Variants in LSP1 observed in about 807,000 individuals in gnomAD.
LSP1 encodes lymphocyte specific protein 1, also known as lymphocyte-specific protein 1.
LSP1 carries 32 observed loss-of-function variants against 49.3 expected under a neutral mutation model. The ratio of observed to expected loss-of-function variants is 0.65; its 90% CI spans 0.49 to 0.87. LSP1 has a LOEUF of 0.87. LSP1 is among the 40% of genes least tolerant of loss of function. LSP1 has a pLI of 0.00. For synonymous variants in LSP1, 179 were observed against 178.8 expected (o/e 1.00, Z -0.01); for missense variants, 428 against 442.6 (o/e 0.97, Z 0.30).
chr11:1,856,296 GTGGCCATGCCAGGCCCTCC>G (rs1847488477), intron 1 of LSP1, among the ~76,000 whole-genome samples: 1 of 152,232 alleles, frequency 6.6e-6, no homozygotes, highest in South Asian at 2.1e-4. Context: ...ATGCCCCTGG[GTGGCCATGCCAGGCCCTCC>G]TGGCCTGGTT....
intron 1 of LSP1, chr11:1,870,360 C>T: frequency 7.9e-7 from 1 of 1,266,528 alleles, no homozygotes; most frequent in Admixed American, 2.4e-5. Flanking sequence ...GGGGAGTCTC[C>T]TGGGAAAGAA....
rs1484168260 is a variant in LSP1 at position 1,883,469 on chromosome 11, A to G, written c.407A>G (p.Glu136Gly). ...GAGGACAGTGATGAAGTCCACCTGG[A>G]GGAGTTGAGTCTGAGCAAGGAGGGG... The part of the protein sequence containing the change: ...EKEDSDEVHL[E>G]ELSLSKEGPG... The change falls in exon 4 of 11, where the codon GAG (glutamate) becomes GGG (glycine). Residue 136 changes from glutamate (E) to glycine (G), a missense_variant. Physicochemically the swap from Glu to Gly is moderately conservative, Grantham distance 98. Coordinates refer to ENST00000311604, the MANE Select transcript of LSP1 (RefSeq NM_002339.3). The G allele has an allele frequency of 1.9e-6, 3 of 1,613,954 alleles. No individual in the cohort carries two copies. Among genetic ancestry groups the G allele is most frequent in the African/African-American group, 1.3e-5 (1 of 74,932 alleles).
chr11:1,868,109 G>A (rs1199236601), intron 1 of LSP1, among the ~76,000 whole-genome samples: 1 of 152,210 alleles, frequency 6.6e-6, no homozygotes, highest in Non-Finnish European at 1.5e-5. Flanking sequence ...CAAGTGTTAG[G>A]GATGGTCAGG....
Position 1,880,175 on chromosome 11 carries a change from G to A in LSP1, c.142G>A (p.Asp48Asn), listed in dbSNP as rs757725608. The A allele has an allele frequency of 1.9e-6, 3 of 1,604,734 alleles. No individual in the cohort carries two copies. The highest frequency in any genetic ancestry group is 2.6e-6 in the Non-Finnish European group (3 of 1,175,076). The change falls in exon 2 of 11, where the codon GAC (aspartate) becomes AAC (asparagine). Residue 48 changes from aspartate (D) to asparagine (N), a missense_variant. By Grantham distance (23) the Asp-to-Asn change is conservative (BLOSUM62 1). Coordinates refer to ENST00000311604, the MANE Select transcript of LSP1 (RefSeq NM_002339.3). ...HERDRQLQAQ[D>N]EEGGGHVPER... ...GAGAGACAGGCAGCTTCAGGCCCAG[G>A]ACGAGGAGGGAGGCGGCCATGTCCC...
chr11:1,861,371 C>T (rs146710808), intron 1 of LSP1, among the ~76,000 whole-genome samples: 1 of 152,320 alleles, frequency 6.6e-6, no homozygotes, highest in African/African-American at 2.4e-5. Flanking sequence ...AGAGCAGGGA[C>T]TTTGTTAATG....
At chr11:1,873,606 G>A (rs544037589) in intron 1 of LSP1, among the ~76,000 whole-genome samples, 57 of 150,940 alleles carry the variant, frequency 3.8e-4, no homozygotes, top group African/African-American at 1.2e-3. Context: ...GGAGAAGGGA[G>A]GAAGGGAAGG....
chr11:1,881,659 G>A (rs919237660), intron 3 of LSP1, 63 bp downstream of exon 3: 17 of 1,438,290 alleles, frequency 1.2e-5, no homozygotes, highest in East Asian at 1.1e-4. Flanking sequence ...CCTCGAGGGC[G>A]GGCGCTGGGC....
chr11:1,861,453 GAGACAGATGGAT>G (rs2133061125), intron 1 of LSP1, among the ~76,000 whole-genome samples: 1 of 152,334 alleles, frequency 6.6e-6, no homozygotes, highest in East Asian at 1.9e-4. Flanking sequence ...GAAGGATGGA[GAGACAGATGGAT>G]AGACAGATGG....
At chr11:1,873,719 T>A (rs2133090082) in intron 1 of LSP1, among the ~76,000 whole-genome samples, 1 of 151,184 alleles carries the variant, frequency 6.6e-6, no homozygotes, top group Admixed American at 6.6e-5. Flanking sequence ...CCAGGCAGGC[T>A]GAGAAGAAAA....
intron 10 of LSP1, chr11:1,889,683 C>A: frequency 1.6e-6 from 1 of 633,984 alleles, no homozygotes; most frequent in South Asian, 1.9e-5. Flanking sequence ...AGCGGCGGGG[C>A]CAGCCATCGG....
At chr11:1,878,752 T>C (rs1848415668) in intron 1 of LSP1, among the ~76,000 whole-genome samples, 1 of 152,116 alleles carries the variant, frequency 6.6e-6, no homozygotes, top group Admixed American at 6.5e-5. Context: ...CCCTGCTCCC[T>C]GTTCTGGCCT....
At chr11:1,874,103 G>GAGA (rs1409508073) in intron 1 of LSP1, among the ~76,000 whole-genome samples, 9 of 34,136 alleles carry the variant, frequency 2.6e-4, no homozygotes, top group African/African-American at 7.6e-4. Context: ...AGGGAGGCCG[G>GAGA]CAGAGGAGGG....
chr11:1,861,647 GTGAA>G (rs1487560551), intron 1 of LSP1, among the ~76,000 whole-genome samples: 1 of 147,408 alleles, frequency 6.8e-6, no homozygotes, highest in African/African-American at 2.5e-5. Context: ...AGATGGATAA[GTGAA>G]TGGATGGATG....
At chr11:1,887,672 A>T (rs1775679357) in intron 10 of LSP1, 96 bp downstream of exon 10, 8 of 944,882 alleles carry the variant, frequency 8.5e-6, no homozygotes, top group Non-Finnish European at 1.1e-5. Context: ...GCCCTGTTGC[A>T]GGCTACAAGG....
At chr11:1,864,181 A>G (rs1847715328) in intron 1 of LSP1, 1 of 985,608 alleles carries the variant, frequency 1.0e-6, no homozygotes, top group Admixed American at 6.2e-5. Flanking sequence ...CGAGACGGGG[A>G]AGGAGGGGAC....
In LSP1 at chr11:1,887,316, T is replaced by C. The variant is rs1469605834; in HGVS notation, c.930+2T>C. On this transcript the variant is annotated splice_donor_variant, in intron 9 of 10. Transcript: ENST00000311604. LOFTEE classifies it high-confidence loss of function. ...TCCAAGACCTCATCAACAATTAAGG[T>C]AGAGCCTAAATGTGGTTGGTGCAGG... 6.2e-7 allele frequency: 1 copy of C among 1,603,242 alleles called. No individual in the cohort carries two copies. Among genetic ancestry groups the C allele is most frequent in the Non-Finnish European group, 8.5e-7 (1 of 1,173,282 alleles).
intron 1 of LSP1, among the ~76,000 whole-genome samples, chr11:1,879,619 C>T (rs1162956040): frequency 6.6e-6 from 1 of 152,222 alleles, no homozygotes; most frequent in African/African-American, 2.4e-5. Context: ...GGAGCACCCG[C>T]AGGTGGGGTG....
chr11:1,875,950 GC>G (rs1167832275), intron 1 of LSP1, among the ~76,000 whole-genome samples: 2 of 152,338 alleles, frequency 1.3e-5, no homozygotes, highest in East Asian at 3.9e-4. Flanking sequence ...TCCCTGGACT[GC>G]CCCCTCCCTG....
At chr11:1,888,381 C>T (rs1033520002) in intron 10 of LSP1, among the ~76,000 whole-genome samples, 1 of 152,224 alleles carries the variant, frequency 6.6e-6, no homozygotes, top group Non-Finnish European at 1.5e-5. Context: ...GGGCTCCCTC[C>T]TCATCCAGCT....
Sources: allele counts gnomAD v4.1 joint callset (sites outside exome capture counted in the v4.1 genomes callset), GRCh38; gene constraint gnomAD v4.1.1; transcripts MANE v1.5; gene names NCBI Gene and HGNC (gene_info 2026-07-23, HGNC 2026-07-21).